UBE2D2: variants seen among roughly 807,000 people sequenced by gnomAD.
UBE2D2 encodes the protein ubiquitin conjugating enzyme E2 D2.
UBE2D2 carries 2 observed loss-of-function variants against 24.2 expected under a neutral mutation model. That is an observed-to-expected ratio of 0.08 (90% CI 0.03 to 0.26). The LOEUF (loss-of-function observed/expected upper bound fraction) is 0.26, where lower values mean the gene tolerates loss of function less well. Among genes scored for constraint, UBE2D2 ranks in the 10% least tolerant of loss-of-function variants. The pLI, the probability that UBE2D2 is intolerant of heterozygous loss-of-function variation, is 1.00. For missense variants in UBE2D2, 44 were observed against 177.6 expected (o/e 0.25, Z 4.28); for synonymous variants, 58 against 56.5 (o/e 1.03, Z -0.12).
At chr5:139,610,193 G>A (rs565786788) in intron 2 of UBE2D2, among the ~76,000 whole-genome samples, 4 of 152,096 alleles carry the variant, frequency 2.6e-5, no homozygotes, top group Non-Finnish European at 5.9e-5. Flanking sequence ...TAGAGTGAAT[G>A]AATGAAGAGT....
chr5:139,566,340 C>A (rs983832298), intron 1 of UBE2D2, among the ~76,000 whole-genome samples: 2 of 151,582 alleles, frequency 1.3e-5, no homozygotes, highest in South Asian at 4.2e-4. Flanking sequence ...TCTTTTAAGG[C>A]GTCTCAAGAC....
chr5:139,562,443 A>C, intron 1 of UBE2D2: 1 of 1,288,368 alleles, frequency 7.8e-7, no homozygotes, highest in Non-Finnish European at 1.0e-6. Context: ...TAGAGGGAGA[A>C]TCATTTTATT....
At chr5:139,584,487 T>C (rs1278622005) in intron 1 of UBE2D2, among the ~76,000 whole-genome samples, 1 of 152,042 alleles carries the variant, frequency 6.6e-6, no homozygotes, top group East Asian at 1.9e-4. Flanking sequence ...TCTCTCGTGT[T>C]TTACACATTT....
intron 2 of UBE2D2, among the ~76,000 whole-genome samples, chr5:139,612,962 T>C (rs1024944060): frequency 2.6e-5 from 4 of 152,192 alleles, no homozygotes; most frequent in Admixed American, 1.3e-4. Context: ...GGGCTTTTTA[T>C]AGGACTTCCC....
chr5:139,590,381 G>T (rs559107744), intron 1 of UBE2D2, among the ~76,000 whole-genome samples: 1 of 150,624 alleles, frequency 6.6e-6, no homozygotes, highest in Non-Finnish European at 1.5e-5. Context: ...GTTGCAGTGA[G>T]CTGAGATCAC....
At chr5:139,557,533 A>AG (rs1179252305), upstream of UBE2D2, among the ~76,000 whole-genome samples, 5 of 152,078 alleles carry the variant, frequency 3.3e-5, no homozygotes, top group Non-Finnish European at 5.9e-5. Context: ...AGATCATCTG[A>AG]GGTCTGGAGT....
intron 1 of UBE2D2, among the ~76,000 whole-genome samples, chr5:139,590,619 G>GA (rs1753823676): frequency 6.6e-6 from 1 of 151,600 alleles, no homozygotes; most frequent in South Asian, 2.1e-4. Flanking sequence ...TGGACTCTTA[G>GA]AAAAAAGTAT....
chr5:139,627,675 T>A lies in UBE2D2; in HGVS notation c.*874T>A, dbSNP rs969337429. 1 of 152,680 alleles carries A rather than the reference T, an allele frequency of 6.5e-6. No individual in the cohort carries two copies. Among genetic ancestry groups the A allele is most frequent in the Non-Finnish European group, 1.5e-5 (1 of 68,042 alleles). The allele number at this position is 152,680 out of a possible 1,614,324, so 9.5% of individuals were successfully genotyped here. A position where few individuals can be genotyped will look rare whatever the true frequency, so the allele number is the denominator to read the frequency against. ...TTAATCTGTGTAATAAACTGGTTAC[T>A]ACAGTCATTACATATAATTTTGTGT... On this transcript the variant is annotated 3_prime_UTR_variant, in exon 7 of 7. Transcript: ENST00000398733.
intron 1 of UBE2D2, among the ~76,000 whole-genome samples, chr5:139,581,175 G>A (rs533113620): frequency 6.6e-5 from 10 of 152,184 alleles, no homozygotes; most frequent in South Asian, 2.1e-4. Context: ...TAGACTGGGC[G>A]TGGTGGCTCA....
chr5:139,563,395 AC>A (rs2126647867), intron 1 of UBE2D2, among the ~76,000 whole-genome samples: 1 of 152,334 alleles, frequency 6.6e-6, no homozygotes, highest in East Asian at 1.9e-4. Context: ...TTTGTTAAAT[AC>A]CATAAAGAAG....
intron 1 of UBE2D2, among the ~76,000 whole-genome samples, chr5:139,547,646 G>A (rs1246409054): frequency 2.6e-5 from 4 of 151,810 alleles, no homozygotes; most frequent in Non-Finnish European, 4.4e-5. Flanking sequence ...GTAGCTAGAA[G>A]CTGGAATTAC....
intron 1 of UBE2D2, among the ~76,000 whole-genome samples, chr5:139,582,332 A>G (rs1425966951): frequency 1.3e-5 from 2 of 149,620 alleles, no homozygotes; most frequent in Admixed American, 6.7e-5. Flanking sequence ...GTATGATCTT[A>G]GCTCACTGCA....
intron 1 of UBE2D2, among the ~76,000 whole-genome samples, chr5:139,576,142 T>A (rs1332402980): frequency 6.6e-6 from 1 of 152,212 alleles, no homozygotes; most frequent in Non-Finnish European, 1.5e-5. Flanking sequence ...ATTAAATGTT[T>A]ACATATTTAT....
At chr5:139,550,535 G>C (rs1752898076) in intron 1 of UBE2D2, among the ~76,000 whole-genome samples, 1 of 152,152 alleles carries the variant, frequency 6.6e-6, no homozygotes, top group African/African-American at 2.4e-5. Context: ...TGCGCTAGTA[G>C]TGGCAACTGG....
At chr5:139,556,701 A>T (rs552731764), upstream of UBE2D2, among the ~76,000 whole-genome samples, 1 of 152,346 alleles carries the variant, frequency 6.6e-6, no homozygotes, top group East Asian at 1.9e-4. Flanking sequence ...TTAACCTAAT[A>T]AAAGGAAAAA....
chr5:139,543,116 C>T (rs766251245), intron 1 of UBE2D2, among the ~76,000 whole-genome samples: 6 of 151,818 alleles, frequency 4.0e-5, no homozygotes, highest in Non-Finnish European at 5.9e-5. Flanking sequence ...AGGCTGGTCT[C>T]GAACTCCTGA....
intron 1 of UBE2D2, among the ~76,000 whole-genome samples, chr5:139,570,555 A>G (rs1275123332): frequency 1.3e-5 from 2 of 152,140 alleles, no homozygotes; most frequent in East Asian, 3.9e-4. Flanking sequence ...TCTGACGCCC[A>G]GGCTGGAGTG....
chr5:139,586,086 A>G (rs1753720828), intron 1 of UBE2D2, among the ~76,000 whole-genome samples: 1 of 151,974 alleles, frequency 6.6e-6, no homozygotes, highest in Non-Finnish European at 1.5e-5. Flanking sequence ...TTTTCATCCT[A>G]AGAAAGATAA....
chr5:139,562,134 A>G lies in UBE2D2; in HGVS notation c.24+319A>G. The G allele has an allele frequency of 4.2e-6, 5 of 1,193,394 alleles. 1 individual carries two copies. In the South Asian group the frequency reaches 4.5e-5, roughly 11 times the overall value. 73.9% of individuals were successfully genotyped at this position (1,193,394 alleles called of 1,614,324 possible). A position where few individuals can be genotyped will look rare whatever the true frequency, so the allele number is the denominator to read the frequency against. On this transcript the variant is annotated intron_variant, in intron 1 of 6. Transcript: ENST00000398733. ...ACTTGAGGGCCATTGTCGGGCCAGG[A>G]TGGCGGGGTTGGGGCCGAGGGGGGC...
Sources: allele counts gnomAD v4.1 joint callset (sites outside exome capture counted in the v4.1 genomes callset), GRCh38; gene constraint gnomAD v4.1.1; transcripts MANE v1.5; gene names NCBI Gene and HGNC (gene_info 2026-07-23, HGNC 2026-07-21).